Variants in LRRC4C observed in about 807,000 individuals in gnomAD.
LRRC4C encodes the protein leucine-rich repeat-containing protein 4C.
A neutral mutation model predicts 33.6 loss-of-function variants in LRRC4C; 5 were observed. The observed-to-expected ratio is 0.15, with a 90% CI of 0.08 to 0.31. The LOEUF is 0.31. Ranked by LOEUF, LRRC4C falls within the 10% of genes least tolerant of loss-of-function variation. LRRC4C has a pLI of 1.00. For missense variants in LRRC4C, 560 were observed against 796.7 expected (o/e 0.70, Z 3.58); for synonymous variants, 329 against 302.0 (o/e 1.09, Z -0.93).
At chr11:40,780,160 T>C (rs564395026) in intron 2 of LRRC4C, among the ~76,000 whole-genome samples, 2 of 152,250 alleles carry the variant, frequency 1.3e-5, no homozygotes, top group Admixed American at 1.3e-4. Flanking sequence ...AAAGGTACCT[T>C]GAGTATTCTT....
In LRRC4C at chr11:40,267,227, T is replaced by G. The variant is rs147321371; in HGVS notation, c.-175-25629A>C. Among the ~76,000 whole-genome samples, 108 of 152,216 alleles carry G rather than the reference T, an allele frequency of 7.1e-4. 1 individual carries two copies. Among genetic ancestry groups the G allele is most frequent in the African/African-American group, 2.5e-3 (105 of 41,522 alleles). On this transcript the variant is annotated intron_variant, in intron 4 of 6. Transcript: ENST00000528697. ...ATGCATGATCTTGGCTCTGAATAAG[T>G]GTTTAGTAAAAAATATGTTAACTTA... is the stretch of plus-strand genomic sequence containing the variant.
intron 3 of LRRC4C, among the ~76,000 whole-genome samples, chr11:40,615,238 T>TTATATATATA (rs756021420): frequency 0.02 from 1,798 of 87,758 alleles, 36 homozygotes; most frequent in Admixed American, 0.042. Flanking sequence ...TTGATTTATT[T>TTATATATATA]TATATATATA....
chr11:41,161,533 A>G (rs897779055), intron 1 of LRRC4C, among the ~76,000 whole-genome samples: 13 of 152,172 alleles, frequency 8.5e-5, no homozygotes, highest in African/African-American at 2.9e-4. Context: ...TCCTACAGGC[A>G]TCTTTATGAA....
intron 1 of LRRC4C, among the ~76,000 whole-genome samples, chr11:41,160,564 G>T (rs764802282): frequency 2.0e-5 from 3 of 152,158 alleles, no homozygotes; most frequent in Non-Finnish European, 1.5e-5. Flanking sequence ...AGGGATACAT[G>T]AATTTATCTT....
chr11:41,158,332 T>C (rs1229355899), intron 1 of LRRC4C, among the ~76,000 whole-genome samples: 2 of 152,116 alleles, frequency 1.3e-5, no homozygotes, highest in Non-Finnish European at 2.9e-5. Context: ...TCAAAGATTT[T>C]TGAGGTATTT....
chr11:40,265,256 C>G (rs1942161986), intron 4 of LRRC4C, among the ~76,000 whole-genome samples: 1 of 152,190 alleles, frequency 6.6e-6, no homozygotes, highest in African/African-American at 2.4e-5. Context: ...CTTGGGATGA[C>G]TGATCTCATT....
chr11:40,336,228 T>C (rs1033438431), intron 3 of LRRC4C, among the ~76,000 whole-genome samples: 1 of 152,170 alleles, frequency 6.6e-6, no homozygotes, highest in Admixed American at 6.6e-5. Flanking sequence ...TCTCTCCTCT[T>C]TTTTTCTTGA....
intron 2 of LRRC4C, among the ~76,000 whole-genome samples, chr11:40,811,980 TTAA>T (rs1565090847): frequency 6.6e-6 from 1 of 152,206 alleles, no homozygotes. Flanking sequence ...GCCATTATTA[TTAA>T]TGAGACTTAG....
intron 3 of LRRC4C, among the ~76,000 whole-genome samples, chr11:40,604,696 A>G (rs1349680909): frequency 6.6e-6 from 1 of 152,164 alleles, no homozygotes; most frequent in African/African-American, 2.4e-5. Context: ...TATTATATTT[A>G]TTTAATAAAT....
chr11:41,118,870 C>T (rs566779166), intron 1 of LRRC4C, among the ~76,000 whole-genome samples: 1 of 151,462 alleles, frequency 6.6e-6, no homozygotes, highest in Non-Finnish European at 1.5e-5. Flanking sequence ...CATAGAGTGT[C>T]CTATTTATGA....
chr11:40,524,724 G>T (rs969668645), intron 3 of LRRC4C, among the ~76,000 whole-genome samples: 1 of 152,134 alleles, frequency 6.6e-6, no homozygotes, highest in Admixed American at 6.6e-5. Context: ...CAATTTGTTT[G>T]TTCATTCAAA....
intron 5 of LRRC4C, among the ~76,000 whole-genome samples, chr11:40,214,351 A>G (rs1032970509): frequency 6.6e-6 from 1 of 151,944 alleles, no homozygotes; most frequent in Admixed American, 6.6e-5. Context: ...TCTTGTCCCT[A>G]CCTGAGACAT....
chr11:41,409,325 A>T lies in LRRC4C; in HGVS notation c.-496+50106T>A, dbSNP rs538467419. ...AATAATCGTGACCAAGGAATAAACT[A>T]TTCAACTCTTGAAAAAGTACTTTTT... On this transcript the variant is annotated intron_variant, in intron 1 of 6. Coordinates refer to ENST00000528697, the MANE Select transcript of LRRC4C (RefSeq NM_001258419.2). 6.6e-5 allele frequency among the ~76,000 whole-genome samples: 10 copies of T among 152,336 alleles called. No individual in the cohort carries two copies. In the East Asian group the frequency reaches 1.9e-3, roughly 29 times the overall value.
intron 2 of LRRC4C, among the ~76,000 whole-genome samples, chr11:40,909,928 A>T (rs1956592528): frequency 6.6e-6 from 1 of 152,128 alleles, no homozygotes; most frequent in Non-Finnish European, 1.5e-5. Context: ...ATAATAAACA[A>T]CTGAAAATCA....
At chr11:40,377,425 G>C (rs1948703677) in intron 3 of LRRC4C, among the ~76,000 whole-genome samples, 1 of 152,098 alleles carries the variant, frequency 6.6e-6, no homozygotes, top group African/African-American at 2.4e-5. Context: ...CCACGCATGT[G>C]TGGGTTACTT....
intron 1 of LRRC4C, among the ~76,000 whole-genome samples, chr11:41,080,341 C>CT (rs1293789767): frequency 6.4e-5 from 7 of 108,590 alleles, no homozygotes; most frequent in Admixed American, 6.2e-4. Flanking sequence ...AGAGTCTCCT[C>CT]CTTTTTTTTT....
At chr11:40,315,609 T>C (rs1036017495) in intron 4 of LRRC4C, among the ~76,000 whole-genome samples, 4 of 151,994 alleles carry the variant, frequency 2.6e-5, no homozygotes, top group Non-Finnish European at 5.9e-5. Context: ...CAATAAACTA[T>C]ATAACACAGT....
At chr11:40,664,201 C>G (rs1943595704) in intron 2 of LRRC4C, among the ~76,000 whole-genome samples, 1 of 152,034 alleles carries the variant, frequency 6.6e-6, no homozygotes, top group South Asian at 2.1e-4. Context: ...GCTTTAAATG[C>G]ATATCTTATA....
chr11:41,372,809 A>G (rs1045741645), intron 1 of LRRC4C, among the ~76,000 whole-genome samples: 6 of 151,660 alleles, frequency 4.0e-5, no homozygotes, highest in African/African-American at 1.5e-4. Context: ...AAAAAGAGTA[A>G]CAGAGTCATA....
Sources: gnomAD v4.1 joint callset for allele counts (sites outside exome capture counted in the v4.1 genomes callset) on GRCh38, gnomAD v4.1.1 for gene constraint, MANE v1.5 for transcripts, NCBI Gene and HGNC (gene_info 2026-07-23, HGNC 2026-07-21) for gene names.